The following EBPL variants were observed in gnomAD, a reference collection of about 807,000 sequenced individuals.
EBPL encodes the protein EBP like.
Under a neutral mutation model 19.0 loss-of-function variants are expected in EBPL, and 20 were observed. The observed-to-expected ratio is 1.05, with a 90% confidence interval of 0.74 to 1.53. The LOEUF is 1.53. Among genes scored for constraint, EBPL ranks in the 40% most tolerant of loss-of-function variants. The pLI, the probability that EBPL is intolerant of heterozygous loss-of-function variation, is 0.00. For synonymous variants in EBPL, 107 were observed against 117.0 expected (o/e 0.91, Z 0.55); for missense variants, 219 against 261.1 (o/e 0.84, Z 1.11).
chr13:49,685,765 C>T (rs888888702), intron 1 of EBPL, among the ~76,000 whole-genome samples: 3 of 151,722 alleles, frequency 2.0e-5, no homozygotes, highest in Non-Finnish European at 4.4e-5. Context: ...ACCAGCTACT[C>T]GGGAGGCTGA....
chr13:49,684,348 T>G (rs186479145), intron 1 of EBPL, among the ~76,000 whole-genome samples: 3 of 152,338 alleles, frequency 2.0e-5, no homozygotes, highest in Admixed American at 6.5e-5. Context: ...TCAACAGCTT[T>G]CACTATAATA....
chr13:49,674,781 A>G (rs1010620249), intron 1 of EBPL, among the ~76,000 whole-genome samples: 3 of 152,176 alleles, frequency 2.0e-5, no homozygotes, highest in Admixed American at 2.0e-4. Context: ...AGGTAGGAGG[A>G]CAGGGATGGA....
chr13:49,679,883 C>T (rs1419407205), intron 1 of EBPL, among the ~76,000 whole-genome samples: 4 of 144,210 alleles, frequency 2.8e-5, no homozygotes, highest in Non-Finnish European at 4.8e-5. Flanking sequence ...TAGAGTCAAG[C>T]TATATATATA....
chr13:49,678,949 T>G (rs1006300641), intron 1 of EBPL, among the ~76,000 whole-genome samples: 1 of 138,846 alleles, frequency 7.2e-6, no homozygotes, highest in African/African-American at 2.9e-5. Context: ...CAGGCGGAGG[T>G]TGCAGTGAGT....
intron 2 of EBPL, among the ~76,000 whole-genome samples, chr13:49,667,845 A>G (rs1012087306): frequency 3.3e-5 from 5 of 152,210 alleles, no homozygotes; most frequent in African/African-American, 1.2e-4. Context: ...AGCCTGTGTT[A>G]GACATTTGCA....
chr13:49,662,828 G>T (rs1965169209), intron 3 of EBPL, among the ~76,000 whole-genome samples: 1 of 152,054 alleles, frequency 6.6e-6, no homozygotes, highest in African/African-American at 2.4e-5. Flanking sequence ...TAGAGACAGG[G>T]TCTCATTGTA....
chr13:49,678,361 G>A (rs1013340559), intron 1 of EBPL, among the ~76,000 whole-genome samples: 1 of 152,234 alleles, frequency 6.6e-6, no homozygotes, highest in Non-Finnish European at 1.5e-5. Context: ...GCGGTCAATC[G>A]GACAGGTCGC....
intron 1 of EBPL, among the ~76,000 whole-genome samples, chr13:49,685,238 CAA>C (rs1423272072): frequency 2.6e-5 from 4 of 152,124 alleles, no homozygotes; most frequent in Admixed American, 2.6e-4. Flanking sequence ...GAACTGGAAC[CAA>C]AAGATTCCTG....
At chr13:49,687,827 T>C (rs199665997) in intron 1 of EBPL, among the ~76,000 whole-genome samples, 1 of 152,322 alleles carries the variant, frequency 6.6e-6, no homozygotes, top group East Asian at 1.9e-4. Context: ...ACTTCTAAGT[T>C]GGGTAAAATC....
chr13:49,671,865 G>A (rs1483519326), intron 1 of EBPL, among the ~76,000 whole-genome samples: 1 of 152,236 alleles, frequency 6.6e-6, no homozygotes, highest in Non-Finnish European at 1.5e-5. Flanking sequence ...CTGGGTAAGA[G>A]CAAGATGGGG....
Position 49,662,790 on chromosome 13 carries a change from G to A in EBPL, c.380+267C>T, listed in dbSNP as rs116348005. On this transcript the variant is annotated intron_variant, in intron 3 of 3. Coordinates refer to ENST00000242827, the MANE Select transcript of EBPL (RefSeq NM_032565.5). Reference sequence around the variant, plus strand: ...TGGGACTACAGGCGTGTGCCACCACGCCTAATTTTTAAATTTTTTATTCCT... The same window carrying A: ...TGGGACTACAGGCGTGTGCCACCACACCTAATTTTTAAATTTTTTATTCCT... Among the ~76,000 whole-genome samples the A allele has an allele frequency of 4.3e-3, 655 of 152,060 alleles. 6 individuals carry two copies. Among genetic ancestry groups the A allele is most frequent in the African/African-American group, 0.015 (621 of 41,514 alleles).
chr13:49,682,601 G>C (rs759656861), intron 1 of EBPL, among the ~76,000 whole-genome samples: 8 of 152,222 alleles, frequency 5.3e-5, no homozygotes, highest in Non-Finnish European at 1.2e-4. Flanking sequence ...TACCAATACA[G>C]AATCTTGGAT....
intron 1 of EBPL, among the ~76,000 whole-genome samples, chr13:49,671,951 C>T (rs1170119498): frequency 6.6e-6 from 1 of 152,192 alleles, no homozygotes; most frequent in Non-Finnish European, 1.5e-5. Context: ...CTTGTTGAAG[C>T]TCTACTCATT....
At chr13:49,662,297 C>G (rs1046831479) in intron 3 of EBPL, among the ~76,000 whole-genome samples, 1 of 152,142 alleles carries the variant, frequency 6.6e-6, no homozygotes, top group Non-Finnish European at 1.5e-5. Flanking sequence ...CACCTGGTCT[C>G]TCTGCACTCC....
At chr13:49,688,859 C>G (rs1479178358) in intron 1 of EBPL, among the ~76,000 whole-genome samples, 1 of 151,996 alleles carries the variant, frequency 6.6e-6, no homozygotes, top group Non-Finnish European at 1.5e-5. Flanking sequence ...GGTATTCTTG[C>G]AATAAACTCC....
chr13:49,669,607 C>A (rs1953788031), intron 2 of EBPL, among the ~76,000 whole-genome samples, 170 bp downstream of exon 2: 1 of 152,022 alleles, frequency 6.6e-6, no homozygotes, highest in Non-Finnish European at 1.5e-5. Flanking sequence ...ACACCCCCAC[C>A]CCTACCCTCA....
intron 1 of EBPL, among the ~76,000 whole-genome samples, chr13:49,673,980 C>CACACACACACACACAA (rs1953847870): frequency 6.6e-6 from 1 of 151,810 alleles, no homozygotes; most frequent in African/African-American, 2.4e-5. Flanking sequence ...CACACACACA[C>CACACACACACACACAA]ACACACACAC....
At chr13:49,674,978 C>A (rs1269453206) in intron 1 of EBPL, among the ~76,000 whole-genome samples, 1 of 152,234 alleles carries the variant, frequency 6.6e-6, no homozygotes, top group African/African-American at 2.4e-5. Flanking sequence ...TTCTCCATTT[C>A]TTCCCTCTCT....
At chr13:49,691,049 G>A (rs1048571240) in intron 1 of EBPL, among the ~76,000 whole-genome samples, 2 of 152,240 alleles carry the variant, frequency 1.3e-5, no homozygotes, top group African/African-American at 2.4e-5. Context: ...GCAGCACAAG[G>A]TAAGCTGCGC....
Sources: gnomAD v4.1 joint callset for allele counts (sites outside exome capture counted in the v4.1 genomes callset) on GRCh38, gnomAD v4.1.1 for gene constraint, MANE v1.5 for transcripts, NCBI Gene and HGNC (gene_info 2026-07-23, HGNC 2026-07-21) for gene names.